ITGA8: variants seen among roughly 807,000 people sequenced by gnomAD.
The protein encoded by ITGA8 is integrin alpha-8.
Under a neutral mutation model 142.3 loss-of-function variants are expected in ITGA8, and 91 were observed. The observed-to-expected ratio is 0.64, with a 90% confidence interval of 0.54 to 0.76. The LOEUF is 0.76. Among genes scored for constraint, ITGA8 ranks in the 30% least tolerant of loss-of-function variants. ITGA8 has a pLI of 0.00. For synonymous variants in ITGA8, 505 were observed against 485.2 expected (o/e 1.04, Z -0.54); for missense variants, 1,406 against 1,327.7 (o/e 1.06, Z -0.92).
rs182728444 is a variant in ITGA8 at position 15,521,772 on chromosome 10, C to T, written c.2983-2360G>A. On this transcript the variant is annotated intron_variant, in intron 28 of 29. Coordinates refer to ENST00000378076, the MANE Select transcript of ITGA8 (RefSeq NM_003638.3). ...AGGATGAGAAACGTAGTTCATACGT[C>T]GAAGAAATCAATTTCAAGGACCCAC... 3.2e-3 allele frequency among the ~76,000 whole-genome samples: 492 copies of T among 152,306 alleles called. 2 individuals are homozygous for T. The highest frequency in any genetic ancestry group is 0.011 in the African/African-American group (473 of 41,572).
chr10:15,653,563 G>A (rs1275667756), intron 11 of ITGA8, among the ~76,000 whole-genome samples: 1 of 152,096 alleles, frequency 6.6e-6, no homozygotes, highest in Non-Finnish European at 1.5e-5. Context: ...CCTTCTATGG[G>A]TTTTAACAAA....
intron 27 of ITGA8, among the ~76,000 whole-genome samples, chr10:15,534,990 C>T (rs1048862630): frequency 2.0e-5 from 3 of 152,248 alleles, no homozygotes; most frequent in Non-Finnish European, 4.4e-5. Context: ...GGGGGAGAGG[C>T]GCAGGCGGGA....
intron 27 of ITGA8, among the ~76,000 whole-genome samples, chr10:15,546,839 AGGGAAGGGAAATGAG>A (rs1194200807): frequency 3.3e-5 from 5 of 151,080 alleles, no homozygotes; most frequent in East Asian, 3.9e-4. Context: ...AGGGAAGGAA[AGGGAAGGGAAATGAG>A]GGGAAGGGAA....
chr10:15,659,632 C>G (rs1588704394), intron 9 of ITGA8, among the ~76,000 whole-genome samples: 2 of 152,236 alleles, frequency 1.3e-5, no homozygotes, highest in Middle Eastern at 6.8e-3. Context: ...CATATCTACC[C>G]AGAACATCAG....
At chr10:15,546,488 AG>A (rs1833671274) in intron 27 of ITGA8, among the ~76,000 whole-genome samples, 1 of 152,192 alleles carries the variant, frequency 6.6e-6, no homozygotes, top group Non-Finnish European at 1.5e-5. Context: ...TTGTCCCCTG[AG>A]GACATTGGCA....
chr10:15,671,170 G>GT (rs1564401788), intron 8 of ITGA8, among the ~76,000 whole-genome samples: 1 of 152,172 alleles, frequency 6.6e-6, no homozygotes, highest in East Asian at 1.9e-4. Context: ...GTTATTTGGG[G>GT]TTTTGGTATG....
chr10:15,631,776 G>C (rs1237504402), intron 13 of ITGA8, among the ~76,000 whole-genome samples: 3 of 150,836 alleles, frequency 2.0e-5, no homozygotes, highest in African/African-American at 7.4e-5. Context: ...TAGCACATTG[G>C]ACTTCTAGCC....
rs9333248 is a variant in ITGA8, at chr10:15,518,172, T to C, written c.3106-928A>G. On this transcript the variant is annotated intron_variant, in intron 29 of 29. Coordinates refer to ENST00000378076, the MANE Select transcript of ITGA8 (RefSeq NM_003638.3). Reference sequence around the variant, plus strand: ...CTCCTCTTCAGTGTCAAATTAGTACTTTGCCAAGTAAACTACATATTTTCC... The same window carrying C: ...CTCCTCTTCAGTGTCAAATTAGTACCTTGCCAAGTAAACTACATATTTTCC... 9.3e-3 allele frequency among the ~76,000 whole-genome samples: 1,423 copies of C among 152,314 alleles called. 20 individuals carry two copies. The highest frequency in any genetic ancestry group is 0.033 in the African/African-American group (1,377 of 41,572).
At chr10:15,651,279 C>A (rs1301262288) in intron 11 of ITGA8, among the ~76,000 whole-genome samples, 1 of 152,014 alleles carries the variant, frequency 6.6e-6, no homozygotes, top group Non-Finnish European at 1.5e-5. Context: ...TTCAGAAATT[C>A]CTAACAAAGC....
intron 24 of ITGA8, among the ~76,000 whole-genome samples, chr10:15,572,630 T>C (rs1834206912): frequency 6.6e-6 from 1 of 152,212 alleles, no homozygotes; most frequent in African/African-American, 2.4e-5. Context: ...ATACTACCCT[T>C]GTCTGATAAC....
chr10:15,617,899 T>C (rs1326232291), intron 13 of ITGA8, among the ~76,000 whole-genome samples: 1 of 152,216 alleles, frequency 6.6e-6, no homozygotes, highest in African/African-American at 2.4e-5. Flanking sequence ...TATGTAGCCA[T>C]AAAAATGAAT....
chr10:15,523,489 T>C (rs967425507), intron 28 of ITGA8, among the ~76,000 whole-genome samples: 1 of 152,302 alleles, frequency 6.6e-6, no homozygotes, highest in African/African-American at 2.4e-5. Context: ...CTTTAAAAAG[T>C]CTGTGGGAAG....
At chr10:15,706,468 T>C (rs530791405) in intron 2 of ITGA8, among the ~76,000 whole-genome samples, 24 of 152,242 alleles carry the variant, frequency 1.6e-4, no homozygotes, top group South Asian at 4.2e-4. Context: ...TTTTCCCTCC[T>C]GTCACTCACT....
chr10:15,678,676 A>T, intron 5 of ITGA8, 46 bp downstream of exon 5: 1 of 1,383,746 alleles, frequency 7.2e-7, no homozygotes, highest in African/African-American at 1.4e-5. Context: ...GAGGGTAAAA[A>T]AAAATCAGAT....
intron 25 of ITGA8, among the ~76,000 whole-genome samples, chr10:15,568,450 A>G (rs1282601493): frequency 6.6e-6 from 1 of 152,230 alleles, no homozygotes; most frequent in East Asian, 1.9e-4. Context: ...CTTTGGGGAC[A>G]TTAGGGTAGC....
At chr10:15,679,847 A>G (rs1297409716) in intron 4 of ITGA8, among the ~76,000 whole-genome samples, 1 of 152,200 alleles carries the variant, frequency 6.6e-6, no homozygotes, top group Non-Finnish European at 1.5e-5. Flanking sequence ...GGGCATTAGG[A>G]CCAGGAATTT....
Position 15,684,081 on chromosome 10 carries a change from T to A in ITGA8, c.491A>T (p.Glu164Val). 6.2e-7 allele frequency: 1 copy of A among 1,614,172 alleles called. No individual in the cohort carries two copies. Among genetic ancestry groups the A allele is most frequent in the Non-Finnish European group, 8.5e-7 (1 of 1,180,000 alleles). ...YHWRTLKPTP[E>V]KDPVGTCYVA... is the part of the protein sequence containing the mutation. Reference sequence around the variant, plus strand: ...ATAGCAGGTGCCAACTGGGTCCTTTTCTGGTGTCGGTTTAAGAGTTCTCCA... The same window carrying A: ...ATAGCAGGTGCCAACTGGGTCCTTTACTGGTGTCGGTTTAAGAGTTCTCCA... Residue 164 changes from glutamate (E) to valine (V), a missense_variant, in exon 4 of 30, where the codon GAA becomes GTA. By Grantham distance (121) the Glu-to-Val change is moderately radical (BLOSUM62 -2). Coordinates refer to ENST00000378076, the MANE Select transcript of ITGA8 (RefSeq NM_003638.3).
In ITGA8 at chr10:15,519,359, T is replaced by C; in HGVS notation, c.3036A>G (p.Leu1012=). Residue 1012 remains leucine (L), a synonymous_variant, in exon 29 of 30, where the codon TTA becomes TTG. Transcript: ENST00000378076. ...GAAGTATTGCTAGTATTATTACCCA[T>C]AATGGGATTGAGAAGGAAACATTCG... ...ATPNVSFSIP[L]WVIILAILLG... 2 of 1,613,642 alleles carry C rather than the reference T, an allele frequency of 1.2e-6. No homozygotes were observed. Among genetic ancestry groups the C allele is most frequent in the Non-Finnish European group, 1.7e-6 (2 of 1,179,658 alleles).
chr10:15,715,096 C>CT (rs377550438), intron 2 of ITGA8, among the ~76,000 whole-genome samples: 1 of 152,034 alleles, frequency 6.6e-6, no homozygotes, highest in Non-Finnish European at 1.5e-5. Context: ...ACTTTTCTTC[C>CT]TTTTTTTCGG....
Sources: allele counts gnomAD v4.1 joint callset (sites outside exome capture counted in the v4.1 genomes callset), GRCh38; gene constraint gnomAD v4.1.1; transcripts MANE v1.5; gene names NCBI Gene and HGNC (gene_info 2026-07-23, HGNC 2026-07-21).